CHMP2B: variants seen among roughly 807,000 people sequenced by gnomAD.
The protein encoded by CHMP2B is VPS2 homolog B.
A neutral mutation model predicts 29.8 loss-of-function variants in CHMP2B; 22 were observed. The observed-to-expected ratio is 0.74, with a 90% CI of 0.53 to 1.05. The LOEUF (loss-of-function observed/expected upper bound fraction) is 1.05, where lower values mean the gene tolerates loss of function less well. CHMP2B is among the 50% of genes least tolerant of loss of function. The pLI is 0.00. For synonymous variants in CHMP2B, 78 were observed against 75.8 expected (o/e 1.03, Z -0.15); for missense variants, 261 against 252.2 (o/e 1.03, Z -0.24).
At chr3:87,240,630 TC>T in intron 1 of CHMP2B, 68 bp from the exon 2 acceptor site, 1 of 1,053,622 alleles carries the variant, frequency 9.5e-7, no homozygotes, top group East Asian at 2.4e-5. Flanking sequence ...GATCTGTGAA[TC>T]CAGTATTTTA....
At chr3:87,239,211 A>G (rs981370401) in intron 1 of CHMP2B, among the ~76,000 whole-genome samples, 8 of 151,964 alleles carry the variant, frequency 5.3e-5, no homozygotes, top group Non-Finnish European at 1.2e-4. Flanking sequence ...ATTTTCTCTT[A>G]TTCTATAGGT....
At position 87,253,835 on chromosome 3, in the gene CHMP2B, A is replaced by C. The variant is rs754479715; in HGVS notation, c.*13A>C. 4 of 1,575,760 alleles carry C rather than the reference A, an allele frequency of 2.5e-6. No homozygotes were observed. The highest frequency in any genetic ancestry group is 3.5e-6 in the Non-Finnish European group (4 of 1,145,958). ...AGGAGTAGATTAGTCAAAAGAAGTC[A>C]TACTATTTTGCTTACTTATAATTAT... On this transcript the variant is annotated 3_prime_UTR_variant, in exon 6 of 6. Coordinates refer to ENST00000263780, the MANE Select transcript of CHMP2B (RefSeq NM_014043.4).
chr3:87,253,779 A>G lies in CHMP2B; in HGVS notation c.599A>G (p.Asp200Gly). The G allele has an allele frequency of 6.2e-7, 1 of 1,612,382 alleles. No homozygotes were observed. Among genetic ancestry groups the G allele is most frequent in the African/African-American group, 1.3e-5 (1 of 74,968 alleles). The change falls in exon 6 of 6, where the codon GAT becomes GGT. Residue 200 changes from aspartate (D) to glycine (G), a missense_variant. Physicochemically the swap from Asp to Gly is moderately conservative, Grantham distance 94 (BLOSUM62 -1). Transcript: ENST00000263780. ...SASTSKATIS[D>G]EEIERQLKAL... ...TCTACTTCAAAGGCTACAATCTCAG[A>G]TGAAGAGATTGAACGGCAACTCAAG...
intron 4 of CHMP2B, among the ~76,000 whole-genome samples, chr3:87,252,634 A>T (rs1209113656): frequency 1.3e-5 from 2 of 151,380 alleles, no homozygotes; most frequent in Non-Finnish European, 3.0e-5. Context: ...CTGTTTCTTA[A>T]TTTTTTTCTT....
chr3:87,230,727 C>T (rs1349817589), intron 1 of CHMP2B, among the ~76,000 whole-genome samples: 1 of 152,132 alleles, frequency 6.6e-6, no homozygotes, highest in Admixed American at 6.5e-5. Flanking sequence ...TGTCTTATCT[C>T]CACTTCTTTA....
chr3:87,244,298 C>G (rs1256877439), intron 2 of CHMP2B, among the ~76,000 whole-genome samples: 2 of 151,674 alleles, frequency 1.3e-5, no homozygotes, highest in Non-Finnish European at 2.9e-5. Flanking sequence ...CCCGCCTCAG[C>G]CTCCCAAAGT....
At position 87,246,939 on chromosome 3, in the gene CHMP2B, C is replaced by T. The variant is rs570982106; in HGVS notation, c.321+1031C>T. ...TGCACAGACCTTTGAGTAGGGTGAT[C>T]TAAAAGACATTGCATAAGACAAAGG... is the stretch of plus-strand genomic sequence containing the variant. On this transcript the variant is annotated intron_variant, in intron 3 of 5. Coordinates refer to ENST00000263780, the MANE Select transcript of CHMP2B (RefSeq NM_014043.4). Among the ~76,000 whole-genome samples the T allele has an allele frequency of 3.8e-4, 58 of 152,118 alleles. 3 individuals are homozygous for T. The South Asian group carries it at 0.012, about 30-fold the overall frequency.
rs985450142 is a variant in CHMP2B, at chr3:87,252,736, A to C, written c.425-668A>C. Among the ~76,000 whole-genome samples, 9 of 152,050 alleles carry C rather than the reference A, an allele frequency of 5.9e-5. No homozygotes were observed. The East Asian group carries it at 1.7e-3, about 29-fold the overall frequency. On this transcript the variant is annotated intron_variant, in intron 4 of 5. Coordinates refer to ENST00000263780, the MANE Select transcript of CHMP2B (RefSeq NM_014043.4). ...TTGCATTTCAGGCACTAGATGCCCA[A>C]GATTCAAAGATAAAAAAGACATAAT...
chr3:87,252,701 T>G (rs1706337534), intron 4 of CHMP2B, among the ~76,000 whole-genome samples: 1 of 151,956 alleles, frequency 6.6e-6, no homozygotes, highest in Non-Finnish European at 1.5e-5. Context: ...ATATACCCAT[T>G]GTATTTATAT....
rs910263560 is a variant in CHMP2B at position 87,255,304 on chromosome 3, T to A, written c.*1482T>A. 1.3e-5 allele frequency: 2 copies of A among 152,484 alleles called. No homozygotes were observed. The highest frequency in any genetic ancestry group is 2.4e-5 in the African/African-American group (1 of 41,452). 9.4% of individuals were successfully genotyped at this position (152,484 alleles called of 1,614,324 possible). A position where few individuals can be genotyped will look rare whatever the true frequency, so the allele number is the denominator to read the frequency against. ...GTTATTGATAGTATTAAATACACAGTTTCTCTTAACAGTGATGGGTGAAAA... is the reference window on the plus strand; with the variant it reads ...GTTATTGATAGTATTAAATACACAGATTCTCTTAACAGTGATGGGTGAAAA... On this transcript the variant is annotated 3_prime_UTR_variant, in exon 6 of 6. Transcript: ENST00000263780.
At chr3:87,248,038 C>T (rs1421132984) in intron 3 of CHMP2B, among the ~76,000 whole-genome samples, 2 of 151,990 alleles carry the variant, frequency 1.3e-5, no homozygotes, top group Non-Finnish European at 2.9e-5. Context: ...TGGCTCATGC[C>T]TGTAATCTCA....
At chr3:87,239,125 A>G (rs1429247023) in intron 1 of CHMP2B, among the ~76,000 whole-genome samples, 2 of 152,096 alleles carry the variant, frequency 1.3e-5, no homozygotes, top group Non-Finnish European at 2.9e-5. Context: ...GGTTGTTTGT[A>G]TCTCGTTTCT....
chr3:87,227,695 A>T (rs1344345451), intron 1 of CHMP2B, 139 bp downstream of exon 1: 26 of 1,086,462 alleles, frequency 2.4e-5, no homozygotes, highest in Non-Finnish European at 3.4e-5. Flanking sequence ...CCCTCGCGGC[A>T]CCACTTCTCT....
At chr3:87,239,179 A>G (rs781539708) in intron 1 of CHMP2B, among the ~76,000 whole-genome samples, 5 of 152,084 alleles carry the variant, frequency 3.3e-5, no homozygotes, top group Non-Finnish European at 7.4e-5. Flanking sequence ...CCAAACTCTT[A>G]TCAGATATAT....
chr3:87,233,251 A>G (rs1011815223), intron 1 of CHMP2B, among the ~76,000 whole-genome samples: 1 of 152,026 alleles, frequency 6.6e-6, no homozygotes, highest in Admixed American at 6.6e-5. Flanking sequence ...TTTGTCCCTG[A>G]GTGTCAGATA....
rs757427735 is a variant in CHMP2B at position 87,245,861 on chromosome 3, A to G, written c.274A>G (p.Met92Val). Residue 92 changes from methionine to valine, a missense_variant, in exon 3 of 6, where the codon ATG becomes GTG. Transcript: ENST00000263780. ...VTSMSTQTKVMNSQMKMAGAM... is the reference protein window; with the variant it reads ...VTSMSTQTKVVNSQMKMAGAM... ...TTCTATGTCTACACAAACAAAAGTG[A>G]TGAATTCCCAAATGAAGATGGCTGG... The G allele has an allele frequency of 6.2e-7, 1 of 1,613,528 alleles. No homozygotes were observed. Among genetic ancestry groups the G allele is most frequent in the Non-Finnish European group, 8.5e-7 (1 of 1,179,812 alleles).
At position 87,227,393 on chromosome 3, in the gene CHMP2B, C is replaced by A. The variant is rs938394465; in HGVS notation, c.-130C>A. The A allele has an allele frequency of 6.7e-6, 7 of 1,049,180 alleles. No individual in the cohort carries two copies. In the African/African-American group the frequency reaches 1.1e-4, roughly 16 times the overall value. The allele number at this position is 1,049,180 out of a possible 1,614,324, so 65.0% of individuals were successfully genotyped here. On this transcript the variant is annotated 5_prime_UTR_variant, in exon 1 of 6. Coordinates refer to ENST00000263780, the MANE Select transcript of CHMP2B (RefSeq NM_014043.4). Reference sequence around the variant, plus strand: ...CTTCCGCGGGTCCTGCCTGGCGACCCCGACCTCCTCCTGCTGTCTCTCCGC... The same window carrying A: ...CTTCCGCGGGTCCTGCCTGGCGACCACGACCTCCTCCTGCTGTCTCTCCGC...
At chr3:87,248,033 C>T (rs1158934599) in intron 3 of CHMP2B, among the ~76,000 whole-genome samples, 2 of 152,048 alleles carry the variant, frequency 1.3e-5, no homozygotes, top group African/African-American at 4.8e-5. Flanking sequence ...CATGGTGGCT[C>T]ATGCCTGTAA....
chr3:87,233,664 G>A (rs1397483082), intron 1 of CHMP2B, among the ~76,000 whole-genome samples: 4 of 152,108 alleles, frequency 2.6e-5, no homozygotes. Flanking sequence ...AGCTGTTACA[G>A]AGCTTGCAGG....
Sources: gnomAD v4.1 joint callset for allele counts (sites outside exome capture counted in the v4.1 genomes callset) on GRCh38, gnomAD v4.1.1 for gene constraint, MANE v1.5 for transcripts, NCBI Gene and HGNC (gene_info 2026-07-23, HGNC 2026-07-21) for gene names.